The following HYDIN variants were observed in gnomAD, a reference collection of about 807,000 sequenced individuals.
HYDIN encodes HYDIN axonemal central pair apparatus protein.
A neutral mutation model predicts 403.9 loss-of-function variants in HYDIN; 132 were observed. The observed-to-expected ratio is 0.33, with a 90% CI of 0.28 to 0.38. HYDIN has a LOEUF of 0.38. HYDIN is among the 10% of genes least tolerant of loss of function. The pLI is 1.00. For missense variants in HYDIN, 2,827 were observed against 5,009.5 expected (o/e 0.56, Z 13.15); for synonymous variants, 1,202 against 1,891.7 (o/e 0.64, Z 9.46).
At chr16:70,841,183 G>A (rs1426133817) in intron 75 of HYDIN, among the ~76,000 whole-genome samples, 4 of 152,110 alleles carry the variant, frequency 2.6e-5, no homozygotes, top group Admixed American at 6.5e-5. Context: ...AGGGGTACAT[G>A]TGCAGGATAT....
chr16:70,971,214 T>G (rs1187777175), intron 35 of HYDIN, among the ~76,000 whole-genome samples: 1 of 152,236 alleles, frequency 6.6e-6, no homozygotes, highest in Non-Finnish European at 1.5e-5. Flanking sequence ...AAGCAATGAC[T>G]CTGGGGATTT....
intron 30 of HYDIN, among the ~76,000 whole-genome samples, chr16:70,977,011 G>A (rs1299192456): frequency 6.6e-6 from 1 of 152,178 alleles, no homozygotes; most frequent in Non-Finnish European, 1.5e-5. Context: ...CTTGGCTCCT[G>A]AGCCATGAGT....
At chr16:71,003,063 A>G (rs1481506854) in intron 23 of HYDIN, among the ~76,000 whole-genome samples, 1 of 152,104 alleles carries the variant, frequency 6.6e-6, no homozygotes, top group Non-Finnish European at 1.5e-5. Context: ...CCTTTATTCA[A>G]ATATTTCAAT....
intron 45 of HYDIN, among the ~76,000 whole-genome samples, chr16:70,931,147 C>T (rs1260910247): frequency 6.7e-6 from 1 of 149,790 alleles, no homozygotes; most frequent in Non-Finnish European, 1.5e-5. Flanking sequence ...AATTTTCATA[C>T]ATGTGAGCAA....
intron 5 of HYDIN, among the ~76,000 whole-genome samples, chr16:71,172,650 G>T (rs1156626927): frequency 6.6e-6 from 1 of 152,132 alleles, no homozygotes; most frequent in Non-Finnish European, 1.5e-5. Context: ...ATGGGCGGGA[G>T]GGAAATGTAA....
At chr16:71,129,506 G>A in intron 9 of HYDIN, 134 bp downstream of exon 9, 1 of 691,678 alleles carries the variant, frequency 1.4e-6, no homozygotes, top group Non-Finnish European at 2.4e-6. Context: ...TCACAGTGAT[G>A]GTGAGTTTCT....
intron 9 of HYDIN, among the ~76,000 whole-genome samples, chr16:71,120,895 A>T (rs1211651882): frequency 2.6e-5 from 4 of 152,202 alleles, no homozygotes; most frequent in Non-Finnish European, 5.9e-5. Flanking sequence ...CATTTAGAAG[A>T]ATGATCCACG....
At chr16:70,970,136 T>A (rs1486405962) in intron 36 of HYDIN, among the ~76,000 whole-genome samples, 1 of 34,502 alleles carries the variant, frequency 2.9e-5, no homozygotes, top group African/African-American at 1.2e-4. Context: ...AAACATGCAA[T>A]GGCAGACTTA....
At position 70,978,926 on chromosome 16, in the gene HYDIN, G is replaced by A. The variant is rs552617421; in HGVS notation, c.4626C>T (p.Asp1542=). The A allele has an allele frequency of 7.4e-6, 12 of 1,613,598 alleles. No homozygotes were observed. The highest frequency in any genetic ancestry group is 4.0e-5 in the African/African-American group (3 of 74,992). The change falls in exon 30 of 86, where the codon GAC becomes GAT. Residue 1542 remains aspartate, a synonymous_variant. Coordinates refer to ENST00000393567, the MANE Select transcript of HYDIN (RefSeq NM_001270974.2). The stretch of plus-strand genomic sequence containing the variant: ...GGAGCTGTCTTACCTCAGCAGGCTC[G>A]TCTTCTGGCACTTCCTCAGTTATTA... ...FDIITEEVPE[D]EPAEVSAHLQ...
chr16:71,181,473 G>C (rs2086902329), intron 3 of HYDIN, among the ~76,000 whole-genome samples: 1 of 151,994 alleles, frequency 6.6e-6, no homozygotes, highest in Admixed American at 6.6e-5. Context: ...ATGGTCACTT[G>C]ATTTATGACA....
intron 36 of HYDIN, among the ~76,000 whole-genome samples, chr16:70,969,078 A>T (rs369501009): frequency 6.6e-6 from 1 of 152,132 alleles, no homozygotes; most frequent in African/African-American, 2.4e-5. Flanking sequence ...AATAATAGAA[A>T]TTACTTACTC....
intron 1 of HYDIN, among the ~76,000 whole-genome samples, chr16:71,189,245 AG>A (rs1240957045): frequency 6.6e-6 from 1 of 152,226 alleles, no homozygotes; most frequent in African/African-American, 2.4e-5. Context: ...GAAGGAGTAA[AG>A]GAACAGGGTA....
intron 18 of HYDIN, among the ~76,000 whole-genome samples, chr16:71,048,133 T>A (rs1014063607): frequency 3.3e-5 from 5 of 150,358 alleles, no homozygotes; most frequent in Admixed American, 6.6e-5. Flanking sequence ...TAATGTAATA[T>A]CCTCCAGGCT....
Position 70,910,417 on chromosome 16 carries a change from C to T in HYDIN, c.8005-1556G>A, listed in dbSNP as rs563730446. On this transcript the variant is annotated intron_variant, in intron 47 of 85. Coordinates refer to ENST00000393567, the MANE Select transcript of HYDIN (RefSeq NM_001270974.2). ...AGCTGTGAATGCCGTTAATTCATTC[C>T]TTCTTATGGCTGAGTAGTATTCCTT... is the stretch of plus-strand genomic sequence containing the variant. Among the ~76,000 whole-genome samples, 299 of 152,316 alleles carry T rather than the reference C, an allele frequency of 2.0e-3. 2 individuals carry two copies. Among genetic ancestry groups the T allele is most frequent in the African/African-American group, 6.7e-3 (279 of 41,580 alleles).
At chr16:70,832,597 C>T in intron 80 of HYDIN, among the ~76,000 whole-genome samples, 1 of 152,220 alleles carries the variant, frequency 6.6e-6, no homozygotes, top group Non-Finnish European at 1.5e-5. Flanking sequence ...AATCATAGAT[C>T]TTAGAATGTG....
At chr16:70,845,761 T>C (rs1442973143) in intron 75 of HYDIN, among the ~76,000 whole-genome samples, 1 of 137,088 alleles carries the variant, frequency 7.3e-6, no homozygotes, top group Non-Finnish European at 1.5e-5. Flanking sequence ...ATTCCTGTTT[T>C]AGTCTTGGGA....
At chr16:71,217,848 A>C (rs910474334) in intron 1 of HYDIN, among the ~76,000 whole-genome samples, 2 of 152,180 alleles carry the variant, frequency 1.3e-5, no homozygotes, top group Admixed American at 1.3e-4. Context: ...CACGCTGCTG[A>C]GGTCTGGTCC....
intron 4 of HYDIN, 62 bp from the exon 5 acceptor site, chr16:71,175,803 T>C (rs2086648217): frequency 1.3e-6 from 2 of 1,556,940 alleles, no homozygotes; most frequent in Admixed American, 1.7e-5. Flanking sequence ...AAACACAGAC[T>C]GAAATCCATC....
In HYDIN at chr16:71,163,375, G is replaced by A. The variant is rs374152584; in HGVS notation, c.517-645C>T. Among the ~76,000 whole-genome samples the A allele has an allele frequency of 1.6e-4, 24 of 152,026 alleles. 1 individual carries two copies. The East Asian group carries it at 3.5e-3, about 22-fold the overall frequency. On this transcript the variant is annotated intron_variant, in intron 5 of 85. Coordinates refer to ENST00000393567, the MANE Select transcript of HYDIN (RefSeq NM_001270974.2). ...CCTGACCTCGTGATCCGCCTGCCTC[G>A]GCCTCCCAAAGTGCTGGGATTACAG...
Sources: gnomAD v4.1 joint callset for allele counts (sites outside exome capture counted in the v4.1 genomes callset) on GRCh38, gnomAD v4.1.1 for gene constraint, MANE v1.5 for transcripts, NCBI Gene and HGNC (gene_info 2026-07-23, HGNC 2026-07-21) for gene names.